Variants in LARGE1 observed in about 807,000 individuals in gnomAD.
LARGE1 encodes the protein LARGE xylosyl- and glucuronyltransferase 1.
In LARGE1, 43 loss-of-function variants were observed where a neutral mutation model predicts 87.6. That is an observed-to-expected ratio of 0.49 (90% confidence interval 0.38 to 0.63). LARGE1 has a LOEUF of 0.63. Among genes scored for constraint, LARGE1 ranks in the 30% least tolerant of loss-of-function variants. The pLI is 0.00. For synonymous variants in LARGE1, 434 were observed against 394.6 expected, an observed-to-expected ratio of 1.10 and a Z score of -1.18; for missense variants, 802 against 1,000.2, an observed-to-expected ratio of 0.80 and a Z score of 2.67.
At chr22:33,401,483 A>T (rs1051301787) in intron 7 of LARGE1, among the ~76,000 whole-genome samples, 5 of 152,108 alleles carry the variant, frequency 3.3e-5, no homozygotes, top group Admixed American at 3.3e-4. Flanking sequence ...AAAAAATAAA[A>T]AGAAAAAGAA....
At chr22:33,304,083 G>T in intron 12 of LARGE1, 146 bp downstream of exon 12, 1 of 872,672 alleles carries the variant, frequency 1.1e-6, no homozygotes, top group Non-Finnish European at 1.8e-6. Flanking sequence ...CTGTGGGCAG[G>T]TCCCTTCCCC....
chr22:33,376,172 C>A (rs1274337797), intron 9 of LARGE1, among the ~76,000 whole-genome samples: 8 of 152,088 alleles, frequency 5.3e-5, no homozygotes, highest in Non-Finnish European at 1.0e-4. Context: ...TAGAAAATTT[C>A]CCATATGGCT....
intron 6 of LARGE1, among the ~76,000 whole-genome samples, chr22:33,474,408 C>G (rs2068984027): frequency 6.6e-6 from 1 of 152,236 alleles, no homozygotes; most frequent in Admixed American, 6.5e-5. Flanking sequence ...GGTGATCCAC[C>G]TGCCTCGGCC....
At chr22:33,754,971 T>G (rs931606672) in intron 2 of LARGE1, among the ~76,000 whole-genome samples, 3 of 152,140 alleles carry the variant, frequency 2.0e-5, no homozygotes, top group African/African-American at 7.2e-5. Context: ...CAAACCCTCC[T>G]TGGATAAAAT....
intron 6 of LARGE1, among the ~76,000 whole-genome samples, chr22:33,525,760 G>A (rs894717133): frequency 6.6e-6 from 1 of 152,176 alleles, no homozygotes; most frequent in African/African-American, 2.4e-5. Context: ...TGTTTCACCT[G>A]TCTGGTTAGC....
At chr22:33,916,225 G>A (rs1352410338) in intron 1 of LARGE1, among the ~76,000 whole-genome samples, 1 of 151,888 alleles carries the variant, frequency 6.6e-6, no homozygotes, top group Non-Finnish European at 1.5e-5. Flanking sequence ...AGGTTGCAGT[G>A]AGCTAAGATC....
intron 7 of LARGE1, among the ~76,000 whole-genome samples, chr22:33,394,418 T>G (rs912429801): frequency 1.3e-5 from 2 of 152,184 alleles, no homozygotes; most frequent in Admixed American, 1.3e-4. Flanking sequence ...CAGGCTGGTC[T>G]CGAACTCCTG....
chr22:33,386,856 C>A (rs1437023653), intron 7 of LARGE1, among the ~76,000 whole-genome samples: 1 of 148,884 alleles, frequency 6.7e-6, no homozygotes, highest in Non-Finnish European at 1.5e-5. Context: ...GACCCCAGCA[C>A]TTTGGGAGGC....
intron 10 of LARGE1, among the ~76,000 whole-genome samples, chr22:33,322,150 A>C (rs1936788447): frequency 6.6e-6 from 1 of 152,160 alleles, no homozygotes; most frequent in Non-Finnish European, 1.5e-5. Flanking sequence ...ACACAGGTAC[A>C]TACCCTTGAG....
intron 7 of LARGE1, among the ~76,000 whole-genome samples, chr22:33,402,084 T>A (rs139109654): frequency 9.5e-4 from 144 of 152,310 alleles, no homozygotes; most frequent in African/African-American, 3.1e-3. Context: ...AACAGCCCCA[T>A]GAAATTGGTA....
intron 3 of LARGE1, among the ~76,000 whole-genome samples, chr22:33,641,987 A>G (rs1393354239): frequency 1.3e-5 from 2 of 152,196 alleles, no homozygotes; most frequent in Non-Finnish European, 2.9e-5. Context: ...AACTTCCCCA[A>G]CCTAGCAAGA....
chr22:33,412,474 T>C (rs899836022), intron 7 of LARGE1, among the ~76,000 whole-genome samples: 2 of 152,108 alleles, frequency 1.3e-5, no homozygotes, highest in Non-Finnish European at 2.9e-5. Context: ...TGAAGGGATG[T>C]GCAGCACGAC....
upstream of LARGE1, among the ~76,000 whole-genome samples, chr22:33,921,296 G>A (rs1297736016): frequency 5.3e-5 from 8 of 152,186 alleles, no homozygotes; most frequent in African/African-American, 1.9e-4. This position sits in a 1 kb window ranked among gnomAD's most constrained non-coding sequence, Gnocchi z 4.1. Context: ...AAGGGTGCAA[G>A]CTGGGAGCTC....
chr22:33,194,617 C>G (rs1923970183), intron 11 of LARGE1, among the ~76,000 whole-genome samples: 1 of 152,142 alleles, frequency 6.6e-6, no homozygotes, highest in Admixed American at 6.5e-5. Context: ...TTCTTGCAGT[C>G]TCTACTAAGA....
chr22:33,559,094 T>C (rs1249711515), intron 6 of LARGE1, among the ~76,000 whole-genome samples: 1 of 152,214 alleles, frequency 6.6e-6, no homozygotes, highest in Non-Finnish European at 1.5e-5. Context: ...GCAACAGAAA[T>C]TTATTGCTTG....
Position 33,790,973 on chromosome 22 carries a change from T to C in LARGE1, c.-82-29415A>G, listed in dbSNP as rs1794483195. ...ATATCCTTTCAAGGTGAACACCAGGTAAATTCTACCAAAAACAACGGCAGT... is the reference window on the plus strand; with the variant it reads ...ATATCCTTTCAAGGTGAACACCAGGCAAATTCTACCAAAAACAACGGCAGT... On this transcript the variant is annotated intron_variant, in intron 1 of 14. Coordinates refer to ENST00000397394, the MANE Select transcript of LARGE1 (RefSeq NM_133642.5). Among the ~76,000 whole-genome samples, 3 of 152,308 alleles carry C rather than the reference T, an allele frequency of 2.0e-5. No individual in the cohort carries two copies. The South Asian group carries it at 6.2e-4, about 32-fold the overall frequency.
chr22:33,392,933 T>G (rs987620101), intron 7 of LARGE1, among the ~76,000 whole-genome samples: 2 of 152,214 alleles, frequency 1.3e-5, no homozygotes, highest in Non-Finnish European at 2.9e-5. Context: ...GCCCATAGCC[T>G]TCTCAGTGTT....
At chr22:33,383,854 C>T (rs1298577533) in intron 8 of LARGE1, among the ~76,000 whole-genome samples, 1 of 152,142 alleles carries the variant, frequency 6.6e-6, no homozygotes, top group Non-Finnish European at 1.5e-5. Context: ...GAAGAGGGCA[C>T]CGACATCTAC....
At chr22:33,689,573 C>T (rs115887028) in intron 2 of LARGE1, among the ~76,000 whole-genome samples, 1,944 of 152,052 alleles carry the variant, frequency 0.013, 37 homozygotes, top group African/African-American at 0.044. Flanking sequence ...GTAGAAATGA[C>T]AGAAAGAAGA....
Sources: allele counts gnomAD v4.1 joint callset (sites outside exome capture counted in the v4.1 genomes callset), GRCh38; gene constraint gnomAD v4.1.1; non-coding constraint Gnocchi (gnomAD v3.1); transcripts MANE v1.5; gene names NCBI Gene and HGNC (gene_info 2026-07-23, HGNC 2026-07-21).